The following MGA variants were observed in gnomAD, a reference collection of about 807,000 sequenced individuals.
MGA encodes MAX gene-associated protein.
Under a neutral mutation model 261.1 loss-of-function variants are expected in MGA, and 40 were observed. The observed-to-expected ratio is 0.15, with a 90% confidence interval of 0.12 to 0.20. The LOEUF (loss-of-function observed/expected upper bound fraction) is 0.20, where lower values mean the gene tolerates loss of function less well. Among genes scored for constraint, MGA ranks in the 10% least tolerant of loss-of-function variants. The probability of loss-of-function intolerance (pLI) is 1.00; values close to 1 mark genes in which losing one functional copy is unlikely to be tolerated. For synonymous variants in MGA, 1,302 were observed against 1,290.6 expected (o/e 1.01, Z -0.19); for missense variants, 3,397 against 3,630.5 (o/e 0.94, Z 1.65).
intron 2 of MGA, among the ~76,000 whole-genome samples, chr15:41,678,826 A>G (rs2058520095): frequency 6.6e-6 from 1 of 150,610 alleles, no homozygotes; most frequent in African/African-American, 2.4e-5. Flanking sequence ...TGGTCTTTGC[A>G]CCTGTTGAAA....
rs548337141 is a variant in MGA at position 41,750,019 on chromosome 15, A to G, written c.6412A>G (p.Ser2138Gly). ...ATTTCCAGTCACCTTTAAGGAAGAA[A>G]GTAAATTTGAATTGTCAGGAAGCAA... Residue 2138 changes from serine to glycine, a missense_variant, in exon 17 of 24, where the codon AGT becomes GGT. This residue lies in a region of MGA where 1,410 missense variants were observed against 1,386.4 expected (regional missense o/e 1.02). Transcript: ENST00000219905. The G allele has an allele frequency of 5.0e-6, 8 of 1,613,200 alleles. No homozygotes were observed. In the African/African-American group the frequency reaches 9.3e-5, roughly 19 times the overall value.
rs1270647900 is a variant in MGA, at chr15:41,749,611, G to A, written c.6004G>A (p.Asp2002Asn). 1 of 1,613,846 alleles carries A rather than the reference G, an allele frequency of 6.2e-7. No individual in the cohort carries two copies. The highest frequency in any genetic ancestry group is 8.5e-7 in the Non-Finnish European group (1 of 1,179,862). Residue 2002 changes from aspartate to asparagine, a missense_variant, in exon 17 of 24, where the codon GAC becomes AAC. This residue lies in a region of MGA where 1,410 missense variants were observed against 1,386.4 expected (regional missense o/e 1.02). Transcript: ENST00000219905. ...TCTACAGTCAGAAGGAGAGGCTGTA[G>A]ACCCTGAGGCTAATGTAATAAAACA... is the stretch of plus-strand genomic sequence containing the variant.
chr15:41,688,160 C>T (rs946888078), intron 2 of MGA, among the ~76,000 whole-genome samples: 1 of 152,166 alleles, frequency 6.6e-6, no homozygotes, highest in Admixed American at 6.5e-5. Flanking sequence ...ACTGCAACAT[C>T]TGCCTCCCGG....
Position 41,749,327 on chromosome 15 carries a change from C to A in MGA, c.5720C>A (p.Pro1907His). The change falls in exon 17 of 24, where the codon CCT becomes CAT. Residue 1907 changes from proline (P) to histidine (H), a missense_variant. Around this residue, in one of 9 missense-constraint regions of MGA, gnomAD observed 1,410 missense variants for 1,386.4 expected, o/e 1.02. Transcript: ENST00000219905. ...ACATTGACCCTGAGGATTTCTCCTC[C>A]TGAACCACAAAGCTTTGCAAGTAAA... The A allele has an allele frequency of 6.2e-7, 1 of 1,613,984 alleles. No homozygotes were observed. The highest frequency in any genetic ancestry group is 8.5e-7 in the Non-Finnish European group (1 of 1,179,886).
At chr15:41,627,895 A>G (rs2056493054) in intron 1 of MGA, among the ~76,000 whole-genome samples, 1 of 152,252 alleles carries the variant, frequency 6.6e-6, no homozygotes, top group African/African-American at 2.4e-5. Context: ...GAATTATTCA[A>G]TTATTCATAG....
At chr15:41,662,121 G>A (rs1365398310) in intron 1 of MGA, among the ~76,000 whole-genome samples, 1 of 152,156 alleles carries the variant, frequency 6.6e-6, no homozygotes, top group African/African-American at 2.4e-5. Flanking sequence ...GTTTCTTGCC[G>A]CCAACGGTTG....
intron 9 of MGA, among the ~76,000 whole-genome samples, chr15:41,726,728 CAAAAAA>C (rs71108124): frequency 7.7e-6 from 1 of 129,890 alleles, no homozygotes; most frequent in South Asian, 2.4e-4. Context: ...GACTCTGTCT[CAAAAAA>C]AAAAAAAAAA....
intron 15 of MGA, 50 bp from the exon 16 acceptor site, chr15:41,748,587 G>A (rs773930665): frequency 5.1e-6 from 8 of 1,554,532 alleles, no homozygotes; most frequent in Middle Eastern, 1.7e-4. Flanking sequence ...TTTTTCCTAC[G>A]TGTGTTAAAG....
intron 1 of MGA, among the ~76,000 whole-genome samples, chr15:41,632,093 C>T (rs767244255): frequency 5.3e-5 from 8 of 152,190 alleles, no homozygotes; most frequent in Non-Finnish European, 1.0e-4. Context: ...GTTTATCTCA[C>T]GTCATATGTC....
Position 41,668,868 on chromosome 15 carries a change from C to G in MGA, c.-27C>G. 12 of 1,498,166 alleles carry G rather than the reference C, an allele frequency of 8.0e-6. No individual in the cohort carries two copies. Among genetic ancestry groups the G allele is most frequent in the African/African-American group, 4.2e-5 (3 of 71,948 alleles). The allele number at this position is 1,498,166 out of a possible 1,614,324, so 92.8% of individuals were successfully genotyped here. A position where few individuals can be genotyped will look rare whatever the true frequency, so the allele number is the denominator to read the frequency against. On this transcript the variant is annotated 5_prime_UTR_variant, in exon 2 of 24. Coordinates refer to ENST00000219905, the MANE Select transcript of MGA (RefSeq NM_001164273.2). ...GTGACTATGTGGTGATTACAGTTGT[C>G]TTACTACTGAGTTTCCTACTGAAAT...
At chr15:41,688,084 A>G (rs115435034) in intron 2 of MGA, among the ~76,000 whole-genome samples, 2,199 of 152,160 alleles carry the variant, frequency 0.014, 42 homozygotes, top group South Asian at 0.069. Flanking sequence ...TGATAAAACT[A>G]TTTTATTTTG....
rs551778974 is a variant in MGA, at chr15:41,672,253, G to C, written c.1064+2295G>C. 3.3e-5 allele frequency among the ~76,000 whole-genome samples: 5 copies of C among 152,244 alleles called. No homozygotes were observed. In the East Asian group the frequency reaches 5.8e-4, roughly 18 times the overall value. ...ACTGCAGCCCTGACTTCCTGGACTT[G>C]GGTGATTCTCCTACCTCAGCCTCCT... is the stretch of plus-strand genomic sequence containing the variant. On this transcript the variant is annotated intron_variant, in intron 2 of 23. Transcript: ENST00000219905.
chr15:41,734,392 T>C (rs1040474242), intron 11 of MGA, 130 bp from the exon 12 acceptor site: 51 of 734,768 alleles, frequency 6.9e-5, no homozygotes, highest in Non-Finnish European at 1.0e-4. Flanking sequence ...GCATGTGGAT[T>C]GAAGCTGTTG....
At chr15:41,723,811 C>G (rs2061082558) in intron 9 of MGA, among the ~76,000 whole-genome samples, 1 of 152,198 alleles carries the variant, frequency 6.6e-6, no homozygotes, top group African/African-American at 2.4e-5. Flanking sequence ...TTTATGAACT[C>G]CCCTATTTAT....
intron 1 of MGA, among the ~76,000 whole-genome samples, chr15:41,663,466 C>G (rs752603658): frequency 2.7e-5 from 4 of 146,020 alleles, no homozygotes; most frequent in Non-Finnish European, 6.1e-5. Flanking sequence ...CTACCCTTTT[C>G]TTTTCTTTAT....
chr15:41,693,674 T>G (rs1394371654), intron 2 of MGA, among the ~76,000 whole-genome samples: 4 of 152,154 alleles, frequency 2.6e-5, no homozygotes, highest in Non-Finnish European at 1.5e-5. Context: ...TTCTGTGTGA[T>G]TGGATCCTAT....
chr15:41,696,346 C>T lies in MGA; in HGVS notation c.1336C>T (p.Leu446Phe), dbSNP rs754782648. The T allele has an allele frequency of 2.5e-6, 4 of 1,613,812 alleles. No individual in the cohort carries two copies. Among genetic ancestry groups the T allele is most frequent in the African/African-American group, 2.7e-5 (2 of 74,938 alleles). ...AGCTGACCATCTATCTTCTAAATGG[C>T]TTCCAAGCAGCCCATCAGGTGTTGC... is the stretch of plus-strand genomic sequence containing the variant. The change falls in exon 3 of 24, where the codon CTT (leucine) becomes TTT (phenylalanine). Residue 446 changes from leucine (L) to phenylalanine (F), a missense_variant. Coordinates refer to ENST00000219905, the MANE Select transcript of MGA (RefSeq NM_001164273.2).
Position 41,743,016 on chromosome 15 carries a change from A to G in MGA, c.5056A>G (p.Ile1686Val), listed in dbSNP as rs1196521913. Residue 1686 changes from isoleucine (I) to valine (V), a missense_variant, in exon 15 of 24, where the codon ATA becomes GTA. Physicochemically the swap from Ile to Val is conservative, Grantham distance 29 (BLOSUM62 3). Transcript: ENST00000219905. ...GTCTTTGGTAGCATCTCCTTCAACCATAACTCTTCCTGTTGCTTCCACTGC... is the reference window on the plus strand; with the variant it reads ...GTCTTTGGTAGCATCTCCTTCAACCGTAACTCTTCCTGTTGCTTCCACTGC... 4 of 1,613,820 alleles carry G rather than the reference A, an allele frequency of 2.5e-6. No homozygotes were observed. In the East Asian group the frequency reaches 6.7e-5, roughly 27 times the overall value.
chr15:41,656,602 C>A (rs527807445), upstream of MGA, among the ~76,000 whole-genome samples: 100 of 151,790 alleles, frequency 6.6e-4, no homozygotes, highest in African/African-American at 2.4e-3. Flanking sequence ...TCAAACAGTC[C>A]GTCCCACCTC....
Sources: gnomAD v4.1 joint callset for allele counts (sites outside exome capture counted in the v4.1 genomes callset) on GRCh38, gnomAD v4.1.1 for gene constraint, gnomAD v4.1.1 regional missense constraint, MANE v1.5 for transcripts, NCBI Gene and HGNC (gene_info 2026-07-23, HGNC 2026-07-21) for gene names.